Variants in CDH13 observed in about 807,000 individuals in gnomAD.
The protein encoded by CDH13 is cadherin 13.
In CDH13, 24 loss-of-function variants were observed where a neutral mutation model predicts 63.8. That is an observed-to-expected ratio of 0.38 (90% confidence interval 0.27 to 0.53). CDH13 has a LOEUF of 0.53. Among genes scored for constraint, CDH13 ranks in the 20% least tolerant of loss-of-function variants. CDH13 has a pLI of 0.85. For missense variants in CDH13, 1,049 were observed against 903.1 expected (o/e 1.16, Z -2.07); for synonymous variants, 503 against 355.3 (o/e 1.42, Z -4.67).
At chr16:83,459,692 A>G (rs1416666676) in intron 6 of CDH13, among the ~76,000 whole-genome samples, 1 of 152,244 alleles carries the variant, frequency 6.6e-6, no homozygotes, top group Non-Finnish European at 1.5e-5. Context: ...TGCTAAAGGT[A>G]AAACCTGTAT....
intron 2 of CDH13, among the ~76,000 whole-genome samples, chr16:82,916,970 G>T (rs142229646): frequency 6.6e-5 from 10 of 152,288 alleles, no homozygotes; most frequent in African/African-American, 2.4e-4. Context: ...ACAGAGCTAG[G>T]ATATTCCCGC....
chr16:82,894,771 C>T (rs981347689), intron 2 of CDH13, among the ~76,000 whole-genome samples: 2 of 152,164 alleles, frequency 1.3e-5, no homozygotes, highest in African/African-American at 4.8e-5. Context: ...GCAGGCCTTC[C>T]CAGCAGGGCA....
intron 1 of CDH13, among the ~76,000 whole-genome samples, chr16:82,660,188 C>A (rs987061764): frequency 6.6e-6 from 1 of 152,066 alleles, no homozygotes; most frequent in Admixed American, 6.5e-5. Context: ...ACCCAGAAAT[C>A]ACGGGAACCA....
chr16:83,711,014 C>A (rs1027872958), intron 10 of CDH13, among the ~76,000 whole-genome samples: 1 of 152,190 alleles, frequency 6.6e-6, no homozygotes, highest in Non-Finnish European at 1.5e-5. Context: ...GCAGGCTGCT[C>A]AGCATGGATC....
intron 10 of CDH13, chr16:83,728,970 C>CA (rs1408873165): frequency 6.5e-6 from 1 of 153,036 alleles, no homozygotes; most frequent in Non-Finnish European, 1.5e-5. Flanking sequence ...GCTGTGTCCT[C>CA]ATGTAGCCTC....
At chr16:83,761,686 A>G (rs1913980714) in intron 11 of CDH13, among the ~76,000 whole-genome samples, 2 of 152,324 alleles carry the variant, frequency 1.3e-5, no homozygotes, top group South Asian at 2.1e-4. Flanking sequence ...ATAGTTCACT[A>G]TGTACAGGGA....
At chr16:83,323,183 T>G (rs2151896284) in intron 5 of CDH13, among the ~76,000 whole-genome samples, 1 of 62,212 alleles carries the variant, frequency 1.6e-5, no homozygotes, top group African/African-American at 6.7e-5. Context: ...TTTTTCTTTC[T>G]TTCTTTCTTT....
intron 4 of CDH13, among the ~76,000 whole-genome samples, chr16:83,145,093 C>G (rs1185041689): frequency 6.6e-6 from 1 of 152,182 alleles, no homozygotes; most frequent in Non-Finnish European, 1.5e-5. Context: ...GGTCTCCATC[C>G]ATATGCTGCT....
intron 7 of CDH13, among the ~76,000 whole-genome samples, chr16:83,600,548 C>T (rs1322769164): frequency 6.6e-6 from 1 of 152,226 alleles, no homozygotes; most frequent in Non-Finnish European, 1.5e-5. Context: ...AAACTTAGGA[C>T]TTCAGAAGAA....
intron 10 of CDH13, chr16:83,710,420 C>T (rs1907844600): frequency 6.6e-6 from 1 of 152,130 alleles, no homozygotes; most frequent in Admixed American, 6.5e-5. Flanking sequence ...AAGCTAAGAG[C>T]ATCTCAAAGT....
intron 4 of CDH13, among the ~76,000 whole-genome samples, chr16:83,211,874 T>A (rs781435354): frequency 6.6e-6 from 1 of 151,882 alleles, no homozygotes; most frequent in African/African-American, 2.4e-5. Flanking sequence ...TTCTTTCTCA[T>A]CCTTAGCTAT....
At chr16:83,209,146 G>T (rs1474486936) in intron 4 of CDH13, among the ~76,000 whole-genome samples, 1 of 152,176 alleles carries the variant, frequency 6.6e-6, no homozygotes, top group African/African-American at 2.4e-5. Context: ...AGTGGTGGCA[G>T]GCTGAACAGG....
intron 6 of CDH13, among the ~76,000 whole-genome samples, chr16:83,477,034 TG>T (rs1463697881): frequency 2.0e-5 from 3 of 152,160 alleles, no homozygotes. Context: ...TGAATCATGA[TG>T]GGGGACCCCA....
chr16:83,427,451 G>A (rs1025567053), intron 6 of CDH13, among the ~76,000 whole-genome samples: 3 of 152,058 alleles, frequency 2.0e-5, no homozygotes, highest in East Asian at 1.9e-4. Flanking sequence ...GGCAAGAAAC[G>A]AATTCTCTTC....
intron 3 of CDH13, among the ~76,000 whole-genome samples, chr16:83,076,231 T>G (rs982455900): frequency 6.6e-6 from 1 of 152,198 alleles, no homozygotes; most frequent in Non-Finnish European, 1.5e-5. Context: ...TTTGATAATA[T>G]TCCAAAAAGA....
intron 1 of CDH13, among the ~76,000 whole-genome samples, chr16:82,656,321 G>C (rs925449764): frequency 6.6e-6 from 1 of 151,950 alleles, no homozygotes; most frequent in South Asian, 2.1e-4. Context: ...GCGTGTGTGT[G>C]TGTGTGTGTG....
At position 82,644,288 on chromosome 16, in the gene CDH13, G is replaced by A. The variant is rs1235977976; in HGVS notation, c.45+17151G>A. Among the ~76,000 whole-genome samples, 1 of 152,074 alleles carries A rather than the reference G, an allele frequency of 6.6e-6. No individual in the cohort carries two copies. The highest frequency in any genetic ancestry group is 1.9e-4 in the East Asian group (1 of 5,184). ...GGAGCTCCCACTTCTTACATTCAGT[G>A]CTCATCACTCTGCAAATCAAGGCCC... On this transcript the variant is annotated intron_variant, in intron 1 of 13. Transcript: ENST00000567109. This position sits in a 1 kb window ranked among gnomAD's most constrained non-coding sequence, Gnocchi z 5.7.
intron 5 of CDH13, among the ~76,000 whole-genome samples, chr16:83,336,905 C>T (rs1287622718): frequency 2.0e-5 from 3 of 152,112 alleles, no homozygotes; most frequent in Non-Finnish European, 4.4e-5. Context: ...CCCAAGAAAC[C>T]TTGTAACACA....
chr16:83,632,583 G>C (rs1910882977), intron 8 of CDH13, among the ~76,000 whole-genome samples: 1 of 151,352 alleles, frequency 6.6e-6, no homozygotes, highest in African/African-American at 2.4e-5. Flanking sequence ...TTATCCTCAA[G>C]TGCCCCACGG....
Sources: allele counts gnomAD v4.1 joint callset (sites outside exome capture counted in the v4.1 genomes callset), GRCh38; gene constraint gnomAD v4.1.1; non-coding constraint Gnocchi (gnomAD v3.1); transcripts MANE v1.5; gene names NCBI Gene and HGNC (gene_info 2026-07-23, HGNC 2026-07-21).